The following LOXL1 variants were observed in gnomAD, a reference collection of about 807,000 sequenced individuals.
LOXL1 encodes the protein lysyl oxidase homolog 1.
Under a neutral mutation model 62.2 loss-of-function variants are expected in LOXL1, and 31 were observed. The ratio of observed to expected loss-of-function variants is 0.50; its 90% CI spans 0.37 to 0.67. The LOEUF (loss-of-function observed/expected upper bound fraction) is 0.67. Among genes scored for constraint, LOXL1 ranks in the 30% least tolerant of loss-of-function variants. The probability of loss-of-function intolerance (pLI) is 0.00; values close to 1 mark genes in which losing one functional copy is unlikely to be tolerated. For synonymous variants in LOXL1, 403 were observed against 384.4 expected (o/e 1.05, Z -0.56); for missense variants, 775 against 843.4 (o/e 0.92, Z 1.00).
intron 1 of LOXL1, among the ~76,000 whole-genome samples, chr15:73,937,034 T>A (rs1487123767): frequency 6.6e-6 from 1 of 152,240 alleles, no homozygotes; most frequent in African/African-American, 2.4e-5. Flanking sequence ...GAAAGGGGAC[T>A]GGGGAGACTG....
At chr15:73,927,951 C>T (rs1595842309) in intron 1 of LOXL1, 66 bp downstream of exon 1, 3 of 1,259,160 alleles carry the variant, frequency 2.4e-6, no homozygotes, top group Non-Finnish European at 3.0e-6. Context: ...GCTCCGGGCC[C>T]CCCGGGCCCC....
At chr15:73,946,765 A>G in intron 3 of LOXL1, among the ~76,000 whole-genome samples, 1 of 152,268 alleles carries the variant, frequency 6.6e-6, no homozygotes, top group Non-Finnish European at 1.5e-5. Flanking sequence ...ATGGATATAG[A>G]AGGATTGGTC....
chr15:73,946,783 G>A (rs1370503426), intron 3 of LOXL1, among the ~76,000 whole-genome samples: 1 of 152,268 alleles, frequency 6.6e-6, no homozygotes, highest in African/African-American at 2.4e-5. Flanking sequence ...GTCTCAATCA[G>A]GGATGGAAAT....
chr15:73,932,020 G>A (rs759784462), intron 1 of LOXL1, among the ~76,000 whole-genome samples: 5 of 151,126 alleles, frequency 3.3e-5, no homozygotes, highest in Admixed American at 6.6e-5. Context: ...ACAGGCCTAG[G>A]GAGGTGGCAC....
At position 73,949,476 on chromosome 15, in the gene LOXL1, G is replaced by A. The variant is rs1429211421; in HGVS notation, c.1620G>A (p.Lys540=). 1 of 1,612,544 alleles carries A rather than the reference G, an allele frequency of 6.2e-7. No homozygotes were observed. The highest frequency in any genetic ancestry group is 8.5e-7 in the Non-Finnish European group (1 of 1,178,574). ...TTCCTCAGGTGCACGTGAACCCAAA[G>A]TATATTGTTTTGGAGTCTGACTTCA... ...NYILKVHVNP[K]YIVLESDFTN... is the part of the protein sequence containing the mutation. The change falls in exon 6 of 7, where the codon AAG becomes AAA. Residue 540 remains lysine (K), a synonymous_variant. Coordinates refer to ENST00000261921, the MANE Select transcript of LOXL1 (RefSeq NM_005576.4).
At chr15:73,938,918 G>A (rs1398028478) in intron 1 of LOXL1, among the ~76,000 whole-genome samples, 1 of 152,128 alleles carries the variant, frequency 6.6e-6, no homozygotes, top group African/African-American at 2.4e-5. Flanking sequence ...GTGGGGAGCT[G>A]GATATGTACC....
At chr15:73,940,054 C>T (rs1331923462) in intron 1 of LOXL1, among the ~76,000 whole-genome samples, 4 of 152,234 alleles carry the variant, frequency 2.6e-5, no homozygotes, top group East Asian at 3.9e-4. Flanking sequence ...CCACTGAGGG[C>T]GAGTAGGACT....
At chr15:73,939,751 G>A (rs2068700801) in intron 1 of LOXL1, among the ~76,000 whole-genome samples, 1 of 152,210 alleles carries the variant, frequency 6.6e-6, no homozygotes, top group Non-Finnish European at 1.5e-5. Context: ...TGTGTATAGA[G>A]TACAGCTCAA....
chr15:73,946,627 C>T (rs1178442348), intron 3 of LOXL1, 73 bp downstream of exon 3: 11 of 1,511,836 alleles, frequency 7.3e-6, no homozygotes, highest in Non-Finnish European at 8.9e-6. Context: ...CCTGAGCTCC[C>T]CTCCCACCAT....
At chr15:73,928,545 A>C (rs1468384606) in intron 1 of LOXL1, among the ~76,000 whole-genome samples, 2 of 151,722 alleles carry the variant, frequency 1.3e-5, no homozygotes, top group African/African-American at 4.9e-5. Context: ...CTACCAAAAA[A>C]CACAGTAGTT....
chr15:73,940,566 G>A (rs949056814), intron 1 of LOXL1, among the ~76,000 whole-genome samples: 1 of 152,104 alleles, frequency 6.6e-6, no homozygotes, highest in Non-Finnish European at 1.5e-5. Flanking sequence ...CTGTGACCAG[G>A]ATCAGGGCTC....
At chr15:73,946,382 C>CCCACCCCCCCCCCA in intron 2 of LOXL1, 35 bp from the exon 3 acceptor site, 4 of 1,503,354 alleles carry the variant, frequency 2.7e-6, no homozygotes, top group East Asian at 2.3e-5. Context: ...TCACTGTGCC[C>CCCACCCCCCCCCCA]CAACCCCCCC....
At chr15:73,933,492 G>A (rs760554218) in intron 1 of LOXL1, among the ~76,000 whole-genome samples, 1 of 152,242 alleles carries the variant, frequency 6.6e-6, no homozygotes, top group Non-Finnish European at 1.5e-5. Flanking sequence ...TGGCAGAGCA[G>A]GGTTGGGAGC....
At chr15:73,950,856 A>G (rs1220306746) in intron 6 of LOXL1, among the ~76,000 whole-genome samples, 1 of 152,242 alleles carries the variant, frequency 6.6e-6, no homozygotes, top group Non-Finnish European at 1.5e-5. Context: ...AATATTAAAA[A>G]TGGGAACAGC....
chr15:73,937,963 G>T (rs900157931), intron 1 of LOXL1, among the ~76,000 whole-genome samples: 3 of 152,216 alleles, frequency 2.0e-5, no homozygotes, highest in African/African-American at 4.8e-5. Context: ...TGTTTGTGGA[G>T]CGGGGAGTTA....
In LOXL1 at chr15:73,942,697, C is replaced by T. The variant is rs550145968; in HGVS notation, c.1103-157C>T. On this transcript the variant is annotated intron_variant, in intron 1 of 6. Transcript: ENST00000261921. ...GACTTCCCTGACCCCACACCTGGGC[C>T]CAGGACCTAACACCCAAGGAGAATG... 3.9e-5 allele frequency among the ~76,000 whole-genome samples: 6 copies of T among 152,160 alleles called. No individual in the cohort carries two copies. In the East Asian group the frequency reaches 1.2e-3, roughly 29 times the overall value.
chr15:73,944,434 GA>G (rs1370388269), intron 2 of LOXL1, among the ~76,000 whole-genome samples: 1 of 152,196 alleles, frequency 6.6e-6, no homozygotes, highest in Non-Finnish European at 1.5e-5. Context: ...ACAGAACCAA[GA>G]CACGAGTGGG....
intron 6 of LOXL1, among the ~76,000 whole-genome samples, chr15:73,951,356 C>T (rs564777877): frequency 5.3e-5 from 8 of 152,206 alleles, no homozygotes; most frequent in South Asian, 2.1e-4. Context: ...TTGGAAAGGC[C>T]GGGCCTTATT....
chr15:73,949,471 C>T lies in LOXL1; in HGVS notation c.1615C>T (p.Pro539Ser). The T allele has an allele frequency of 6.2e-7, 1 of 1,612,130 alleles. No homozygotes were observed. The highest frequency in any genetic ancestry group is 8.5e-7 in the Non-Finnish European group (1 of 1,178,204). Residue 539 changes from proline (P) to serine (S), a missense_variant, in exon 6 of 7, where the codon CCA becomes TCA. Physicochemically the swap from Pro to Ser is moderately conservative, Grantham distance 74. Transcript: ENST00000261921. ...GNYILKVHVN[P>S]KYIVLESDFT... ...TCTTCTTCCTCAGGTGCACGTGAAC[C>T]CAAAGTATATTGTTTTGGAGTCTGA... is the stretch of plus-strand genomic sequence containing the variant.
Sources: allele counts gnomAD v4.1 joint callset (sites outside exome capture counted in the v4.1 genomes callset), GRCh38; gene constraint gnomAD v4.1.1; transcripts MANE v1.5; gene names NCBI Gene and HGNC (gene_info 2026-07-23, HGNC 2026-07-21).